The following CADM2 variants were observed in gnomAD, a reference collection of about 807,000 sequenced individuals.
CADM2 encodes cell adhesion molecule 2, also known as immunoglobulin superfamily member 4D.
A neutral mutation model predicts 49.8 loss-of-function variants in CADM2; 12 were observed. The ratio of observed to expected loss-of-function variants is 0.24; its 90% CI spans 0.15 to 0.39. The LOEUF (loss-of-function observed/expected upper bound fraction) is 0.39, where lower values mean the gene tolerates loss of function less well. CADM2 is among the 10% of genes least tolerant of loss of function. The pLI, the probability that CADM2 is intolerant of heterozygous loss-of-function variation, is 1.00. For missense variants in CADM2, 378 were observed against 492.3 expected (o/e 0.77, Z 2.20); for synonymous variants, 214 against 175.4 (o/e 1.22, Z -1.74).
intron 1 of CADM2, among the ~76,000 whole-genome samples, chr3:85,091,700 C>CTATT (rs2037603809): frequency 6.6e-6 from 1 of 152,010 alleles, no homozygotes; most frequent in Non-Finnish European, 1.5e-5. Context: ...AAAAATCAAA[C>CTATT]TATTTGCTTT....
chr3:85,149,517 G>T (rs776042642), intron 1 of CADM2, among the ~76,000 whole-genome samples: 1 of 152,102 alleles, frequency 6.6e-6, no homozygotes, highest in Non-Finnish European at 1.5e-5. Flanking sequence ...ATGAGGTCTG[G>T]AGATCGAGAC....
intron 2 of CADM2, among the ~76,000 whole-genome samples, chr3:85,780,753 C>T (rs2070596824): frequency 6.6e-6 from 1 of 152,020 alleles, no homozygotes; most frequent in Non-Finnish European, 1.5e-5. Context: ...ATATGTGATT[C>T]CCTCTAATAA....
chr3:85,506,800 G>A (rs1055653803), intron 1 of CADM2, among the ~76,000 whole-genome samples: 1 of 151,690 alleles, frequency 6.6e-6, no homozygotes. Flanking sequence ...ATACTGGCAT[G>A]GTAATTTCAA....
intron 8 of CADM2, among the ~76,000 whole-genome samples, chr3:86,061,024 T>A (rs1323487133): frequency 2.6e-5 from 4 of 151,194 alleles, no homozygotes; most frequent in African/African-American, 9.7e-5. Flanking sequence ...CTTTGAATAT[T>A]TTTAATATGT....
intron 1 of CADM2, among the ~76,000 whole-genome samples, chr3:85,106,607 T>C (rs556611928): frequency 2.6e-4 from 40 of 152,294 alleles, no homozygotes; most frequent in African/African-American, 9.6e-4. Context: ...CTATCAATGA[T>C]CTAATGTAAA....
At chr3:85,054,981 T>C (rs1034224217) in intron 1 of CADM2, among the ~76,000 whole-genome samples, 2 of 151,894 alleles carry the variant, frequency 1.3e-5, no homozygotes, top group African/African-American at 4.8e-5. Flanking sequence ...GCCTTATAAA[T>C]AGAAGTTTAA....
At chr3:85,585,497 G>C (rs1014837174) in intron 1 of CADM2, among the ~76,000 whole-genome samples, 2 of 151,740 alleles carry the variant, frequency 1.3e-5, no homozygotes, top group African/African-American at 4.8e-5. Flanking sequence ...AAAGGAAATT[G>C]TTGCTGGTTT....
At chr3:85,288,645 T>C (rs1373222717) in intron 1 of CADM2, among the ~76,000 whole-genome samples, 1 of 152,076 alleles carries the variant, frequency 6.6e-6, no homozygotes, top group Non-Finnish European at 1.5e-5. Context: ...CAGCTATACC[T>C]GATCTGTAGG....
intron 7 of CADM2, among the ~76,000 whole-genome samples, chr3:85,944,775 C>G (rs1457696685): frequency 6.6e-6 from 1 of 151,932 alleles, no homozygotes; most frequent in Non-Finnish European, 1.5e-5. Context: ...ACATTTAAAA[C>G]ATGTGTGTAG....
At chr3:85,531,882 TA>T (rs1346405764) in intron 1 of CADM2, among the ~76,000 whole-genome samples, 2 of 152,110 alleles carry the variant, frequency 1.3e-5, no homozygotes, top group African/African-American at 4.8e-5. Context: ...TTTTAATATT[TA>T]ACAAATAAAA....
At chr3:85,151,545 A>G (rs2039922684) in intron 1 of CADM2, among the ~76,000 whole-genome samples, 1 of 152,318 alleles carries the variant, frequency 6.6e-6, no homozygotes, top group South Asian at 2.1e-4. Flanking sequence ...ATCTCAATAT[A>G]TTGCCTTAGA....
At chr3:85,749,693 T>C (rs10511069) in intron 2 of CADM2, among the ~76,000 whole-genome samples, 6,025 of 152,090 alleles carry the variant, frequency 0.04, 377 homozygotes, top group African/African-American at 0.14. Context: ...GGTAGTAACA[T>C]GACAATCACT....
rs869151718 is a variant in CADM2 at position 85,359,666 on chromosome 3, A to ATTTTTTTT, written c.62-366852_62-366845dup. Among the ~76,000 whole-genome samples the ATTTTTTTT allele has an allele frequency of 4.5e-4, 12 of 26,544 alleles. 1 individual carries two copies. Among genetic ancestry groups the ATTTTTTTT allele is most frequent in the East Asian group, 4.0e-3 (3 of 754 alleles). 17.4% of individuals were successfully genotyped at this position (26,544 alleles called of 152,430 possible). ...TATATATATATATATATATATATATATTTTTTTTTTTGGTGGAGGGGAGAA... is the reference window on the plus strand; with the variant it reads ...TATATATATATATATATATATATATATTTTTTTTTTTTTTTTTTTGGTGGAGGGGAGAA... On this transcript the variant is annotated intron_variant, in intron 1 of 9. Coordinates refer to ENST00000383699, the MANE Select transcript of CADM2 (RefSeq NM_001167675.2).
At chr3:85,021,699 C>G (rs1365186891) in intron 1 of CADM2, among the ~76,000 whole-genome samples, 1 of 152,056 alleles carries the variant, frequency 6.6e-6, no homozygotes, top group Non-Finnish European at 1.5e-5. Flanking sequence ...CGCTTGAACC[C>G]AGGAAGCGGA....
chr3:85,686,361 T>C (rs1477622928), intron 1 of CADM2, among the ~76,000 whole-genome samples: 2 of 152,152 alleles, frequency 1.3e-5, no homozygotes, highest in African/African-American at 4.8e-5. Flanking sequence ...TTTTAAAAAA[T>C]GGTAACGCTG....
At chr3:85,530,939 G>A (rs565814238) in intron 1 of CADM2, among the ~76,000 whole-genome samples, 4 of 149,560 alleles carry the variant, frequency 2.7e-5, no homozygotes, top group Admixed American at 2.0e-4. Context: ...GGAATGTCAG[G>A]GGGTTCCTTA....
At chr3:86,023,510 C>T (rs139231720) in intron 8 of CADM2, among the ~76,000 whole-genome samples, 2 of 152,160 alleles carry the variant, frequency 1.3e-5, no homozygotes, top group Non-Finnish European at 2.9e-5. Flanking sequence ...AGGCATGCAC[C>T]ACCACACCCA....
chr3:85,859,275 G>A (rs2099736942), intron 3 of CADM2, among the ~76,000 whole-genome samples: 1 of 121,176 alleles, frequency 8.3e-6, no homozygotes, highest in Admixed American at 1.1e-4. Context: ...CTGTCACCCA[G>A]GCTGGAGTGC....
At chr3:85,346,925 T>G (rs1456754974) in intron 1 of CADM2, among the ~76,000 whole-genome samples, 17 of 152,186 alleles carry the variant, frequency 1.1e-4, no homozygotes, top group Admixed American at 1.1e-3. Flanking sequence ...AAAAGCATGA[T>G]GTATTTAGTA....
Sources: gnomAD v4.1 joint callset for allele counts (sites outside exome capture counted in the v4.1 genomes callset) on GRCh38, gnomAD v4.1.1 for gene constraint, MANE v1.5 for transcripts, NCBI Gene and HGNC (gene_info 2026-07-23, HGNC 2026-07-21) for gene names.